The following DMD variants were observed in gnomAD, a reference collection of about 807,000 sequenced individuals.
DMD encodes dystrophin.
Under a neutral mutation model 330.1 loss-of-function variants are expected in DMD, and 63 were observed. The observed-to-expected ratio is 0.19, with a 90% CI of 0.16 to 0.24. DMD has a LOEUF of 0.24. Ranked by LOEUF, DMD falls within the 10% of genes least tolerant of loss-of-function variation. The probability of loss-of-function intolerance (pLI) is 1.00; values close to 1 mark genes in which losing one functional copy is unlikely to be tolerated. For synonymous variants in DMD, 1,223 were observed against 959.8 expected, an observed-to-expected ratio of 1.27 and a Z score of -5.07; for missense variants, 3,344 against 2,684.1, an observed-to-expected ratio of 1.25 and a Z score of -5.43.
chrX:31,426,197 C>T (rs1205279087), intron 60 of DMD, among the ~76,000 whole-genome samples: 2 of 111,166 alleles, frequency 1.8e-5, no homozygotes, highest in African/African-American at 6.5e-5. Context: ...CACTGGAGTT[C>T]GTGTTAAAAA....
chrX:31,648,863 A>G (rs16989751), intron 54 of DMD, among the ~76,000 whole-genome samples: 2,844 of 109,634 alleles, frequency 0.026, 93 homozygotes, highest in African/African-American at 0.087. Flanking sequence ...TCCCAAAACT[A>G]TAAGATTTCT....
intron 55 of DMD, among the ~76,000 whole-genome samples, chrX:31,541,936 C>A: frequency 8.9e-6 from 1 of 111,754 alleles, no homozygotes; most frequent in South Asian, 3.8e-4. Context: ...TTATTGATTA[C>A]ATATTGAAAT....
intron 7 of DMD, among the ~76,000 whole-genome samples, chrX:32,777,452 T>C (rs1163754297): frequency 1.8e-5 from 2 of 110,325 alleles, no homozygotes; most frequent in Non-Finnish European, 3.8e-5. Context: ...TTTAAGATTG[T>C]TTATGGTAAG....
intron 41 of DMD, among the ~76,000 whole-genome samples, chrX:32,323,100 G>A (rs2097628296): frequency 8.9e-6 from 1 of 111,825 alleles, no homozygotes; most frequent in Non-Finnish European, 1.9e-5. Flanking sequence ...CACTGAACAT[G>A]TACAGACATT....
chrX:31,408,065 T>C (rs967380225), intron 60 of DMD, among the ~76,000 whole-genome samples: 2 of 112,512 alleles, frequency 1.8e-5, no homozygotes, highest in Non-Finnish European at 3.7e-5. Flanking sequence ...ATCATTCATA[T>C]ATGAGAGAAG....
chrX:32,688,420 A>T (rs1205036136), intron 9 of DMD, among the ~76,000 whole-genome samples: 1 of 112,260 alleles, frequency 8.9e-6, no homozygotes, highest in African/African-American at 3.2e-5. Context: ...TTTTTGACTT[A>T]TATTTTTAAG....
At chrX:31,584,476 G>A (rs776530440) in intron 55 of DMD, among the ~76,000 whole-genome samples, 1 of 111,764 alleles carries the variant, frequency 8.9e-6, no homozygotes, top group South Asian at 3.8e-4. Context: ...ATACCCAAAG[G>A]AATATAAACC....
chrX:32,638,228 C>T (rs1452099227), intron 11 of DMD, among the ~76,000 whole-genome samples: 1 of 112,166 alleles, frequency 8.9e-6, no homozygotes, highest in Non-Finnish European at 1.9e-5. Flanking sequence ...AATCTTGCTA[C>T]TGCTTAATCA....
chrX:32,187,265 C>A, intron 44 of DMD, among the ~76,000 whole-genome samples: 1 of 111,035 alleles, frequency 9.0e-6, no homozygotes, highest in South Asian at 3.8e-4. Flanking sequence ...GAAGAGCCCA[C>A]TGCAAATGTC....
intron 7 of DMD, among the ~76,000 whole-genome samples, chrX:32,796,117 G>A (rs199561234): frequency 2.1e-5 from 1 of 46,553 alleles, no homozygotes; most frequent in Non-Finnish European, 5.7e-5. Context: ...AAGTATATAT[G>A]TAAAGGGAAA....
At chrX:31,743,727 A>G (rs188548521) in intron 51 of DMD, among the ~76,000 whole-genome samples, 134 of 111,667 alleles carry the variant, frequency 1.2e-3, no homozygotes, top group Non-Finnish European at 7.5e-4. Context: ...AAAACTAACT[A>G]TCGGTTACTA....
intron 55 of DMD, among the ~76,000 whole-genome samples, chrX:31,595,599 C>G (rs1458087699): frequency 2.7e-5 from 3 of 111,163 alleles, no homozygotes; most frequent in Non-Finnish European, 5.7e-5. Context: ...TTGAAATTTA[C>G]TTTGCAGTTC....
intron 16 of DMD, among the ~76,000 whole-genome samples, chrX:32,564,560 G>C (rs2051456974): frequency 8.9e-6 from 1 of 112,162 alleles, no homozygotes; most frequent in African/African-American, 3.2e-5. Context: ...AATTGCTAAA[G>C]TATGTTTAAT....
chrX:31,323,975 C>T (rs1039971080), intron 61 of DMD, among the ~76,000 whole-genome samples: 26 of 109,970 alleles, frequency 2.4e-4, no homozygotes, highest in Non-Finnish European at 3.0e-4. Context: ...CCCTTGAGTG[C>T]TTTTTTTTAT....
At chrX:31,706,406 T>C (rs1408702973) in intron 52 of DMD, among the ~76,000 whole-genome samples, 2 of 111,624 alleles carry the variant, frequency 1.8e-5, no homozygotes, top group Non-Finnish European at 3.8e-5. Context: ...AAACTCATAC[T>C]CTTATATAAT....
chrX:32,902,237 T>C (rs1251636466), intron 2 of DMD, among the ~76,000 whole-genome samples: 1 of 105,948 alleles, frequency 9.4e-6, no homozygotes, highest in Non-Finnish European at 1.9e-5. Flanking sequence ...CAGAAAAAAT[T>C]TTCAGGTAAA....
At chrX:31,158,392 T>C (rs928263196) in intron 74 of DMD, among the ~76,000 whole-genome samples, 2 of 112,015 alleles carry the variant, frequency 1.8e-5, no homozygotes, top group African/African-American at 6.5e-5. Flanking sequence ...CAGTCCAGAA[T>C]AAGCAAATCC....
chrX:31,721,710 C>CTATA (rs2085544549), intron 52 of DMD, among the ~76,000 whole-genome samples: 1 of 54,731 alleles, frequency 1.8e-5, no homozygotes, highest in Non-Finnish European at 3.1e-5. Flanking sequence ...CTCTCTCTCT[C>CTATA]TCTCTCTCTA....
At chrX:31,920,475 C>G (rs1258127678) in intron 47 of DMD, among the ~76,000 whole-genome samples, 1 of 111,873 alleles carries the variant, frequency 8.9e-6, no homozygotes, top group Admixed American at 9.5e-5. Flanking sequence ...GAAGGAAACT[C>G]CCTCTAGTCT....
Sources: gnomAD v4.1 joint callset for allele counts (sites outside exome capture counted in the v4.1 genomes callset) on GRCh38, gnomAD v4.1.1 for gene constraint, MANE v1.5 for transcripts, NCBI Gene and HGNC (gene_info 2026-07-23, HGNC 2026-07-21) for gene names.